Variants in EMC1 observed in about 807,000 individuals in gnomAD.
EMC1 encodes the protein ER membrane protein complex subunit 1.
A neutral mutation model predicts 128.8 loss-of-function variants in EMC1; 103 were observed. The observed-to-expected ratio is 0.80, with a 90% CI of 0.68 to 0.94. EMC1 has a LOEUF of 0.94. Ranked by LOEUF, EMC1 falls within the 40% of genes least tolerant of loss-of-function variation. EMC1 has a pLI of 0.00. For synonymous variants in EMC1, 442 were observed against 490.4 expected (o/e 0.90, Z 1.30); for missense variants, 1,083 against 1,250.6 (o/e 0.87, Z 2.02).
intron 21 of EMC1, chr1:19,219,958 T>G (rs1324465008): frequency 2.2e-6 from 1 of 448,906 alleles, no homozygotes; most frequent in Non-Finnish European, 4.0e-6. Context: ...TACAGATGAC[T>G]GGCACTTCAC....
chr1:19,231,575 A>T (rs1010769905), intron 15 of EMC1, among the ~76,000 whole-genome samples, 153 bp from the exon 16 acceptor site: 2 of 152,204 alleles, frequency 1.3e-5, no homozygotes, highest in African/African-American at 4.8e-5. Flanking sequence ...GTAGGTGAAT[A>T]GTCCCCTAGG....
chr1:19,226,776 G>A (rs1384023477), intron 18 of EMC1, among the ~76,000 whole-genome samples: 1 of 150,060 alleles, frequency 6.7e-6, no homozygotes, highest in Admixed American at 6.6e-5. Context: ...TTTCAGCCAT[G>A]TTGCCCAAGC....
intron 18 of EMC1, 56 bp from the exon 19 acceptor site, chr1:19,223,625 T>A: frequency 6.4e-7 from 1 of 1,554,730 alleles, no homozygotes; most frequent in East Asian, 2.3e-5. Flanking sequence ...ACACACTCCA[T>A]TCCTGTGCTG....
intron 17 of EMC1, among the ~76,000 whole-genome samples, chr1:19,228,309 A>G (rs1010226194): frequency 6.6e-6 from 1 of 152,154 alleles, no homozygotes; most frequent in Non-Finnish European, 1.5e-5. Flanking sequence ...AAAATTTACC[A>G]TTTATTACTA....
intron 10 of EMC1, among the ~76,000 whole-genome samples, chr1:19,238,577 G>A (rs2093583725): frequency 6.6e-6 from 1 of 152,218 alleles, no homozygotes. Context: ...CTGAGGCCCA[G>A]AGGAGAAAGT....
In EMC1 at chr1:19,237,105, G is replaced by T. The variant is rs895216743; in HGVS notation, c.1309+37C>A. 2.1e-6 allele frequency: 3 copies of T among 1,458,804 alleles called. No individual in the cohort carries two copies. The African/African-American group carries it at 4.2e-5, about 20-fold the overall frequency. 90.4% of individuals were successfully genotyped at this position (1,458,804 alleles called of 1,614,324 possible). Reference sequence around the variant, plus strand: ...TGATTGGAACACATTGGAAGGCCTGGGGAAATAAAAAAATGGGTTGAATGA... The same window carrying T: ...TGATTGGAACACATTGGAAGGCCTGTGGAAATAAAAAAATGGGTTGAATGA... On this transcript the variant is annotated intron_variant, in intron 12 of 22. Transcript: ENST00000477853.
Position 19,241,055 on chromosome 1 carries a change from A to T in EMC1, c.597T>A (p.Ile199=). 6.2e-7 allele frequency: 1 copy of T among 1,614,146 alleles called. No individual in the cohort carries two copies. The highest frequency in any genetic ancestry group is 8.5e-7 in the Non-Finnish European group (1 of 1,180,030). The part of the protein sequence containing the change: ...LGVVPFSHVN[I]VKFNVEDGEI... The stretch of plus-strand genomic sequence containing the variant: ...CTCCATCTTCCACATTAAACTTGAC[A>T]ATGTTCACATGGCTGAAGGGAACAA... Residue 199 remains isoleucine, a synonymous_variant, in exon 6 of 23, where the codon ATT becomes ATA. Coordinates refer to ENST00000477853, the MANE Select transcript of EMC1 (RefSeq NM_015047.3).
intron 17 of EMC1, among the ~76,000 whole-genome samples, 172 bp downstream of exon 17, chr1:19,230,672 T>G (rs542956993): frequency 1.3e-5 from 2 of 152,340 alleles, no homozygotes; most frequent in East Asian, 3.9e-4. Context: ...GTATCTGCCA[T>G]GTAGTAGCTG....
chr1:19,219,485 G>A lies in EMC1; in HGVS notation c.2803-3C>T, dbSNP rs756767859. 9.3e-6 allele frequency: 15 copies of A among 1,613,796 alleles called. No individual in the cohort carries two copies. Among genetic ancestry groups the A allele is most frequent in the Middle Eastern group, 1.6e-4 (1 of 6,082 alleles). ...ATGTCCAAACCATAGGCCACAACCT[G>A]GAAGGCAGATGGAATAAGAATTAGG... On this transcript the variant is annotated splice_polypyrimidine_tract_variant and splice_region_variant and intron_variant, in intron 22 of 22. Transcript: ENST00000477853.
chr1:19,233,042 G>C lies in EMC1; in HGVS notation c.1526C>G (p.Ala509Gly). Reference sequence around the variant, plus strand: ...CTTAATCTGACTCCGGGGCTTCCGAGCATCATAAAACATTTTCCAGAGGTG... The same window carrying C: ...CTTAATCTGACTCCGGGGCTTCCGACCATCATAAAACATTTTCCAGAGGTG... The part of the protein sequence containing the change: ...TSHLWKMFYD[A>G]RKPRSQIKNE... Residue 509 changes from alanine (A) to glycine (G), a missense_variant, in exon 14 of 23, where the codon GCT becomes GGT. Physicochemically the swap from Ala to Gly is moderately conservative, Grantham distance 60. Coordinates refer to ENST00000477853, the MANE Select transcript of EMC1 (RefSeq NM_015047.3). 6.2e-7 allele frequency: 1 copy of C among 1,614,144 alleles called. No individual in the cohort carries two copies. The highest frequency in any genetic ancestry group is 8.5e-7 in the Non-Finnish European group (1 of 1,180,022).
chr1:19,230,701 A>G (rs2093514486), intron 17 of EMC1, 143 bp downstream of exon 17: 1 of 1,148,610 alleles, frequency 8.7e-7, no homozygotes, highest in East Asian at 2.4e-5. Context: ...ATATGAACAA[A>G]TGATTGACTT....
At chr1:19,251,305 G>A (rs1196515735) in intron 1 of EMC1, 110 bp downstream of exon 1, 3 of 1,007,948 alleles carry the variant, frequency 3.0e-6, no homozygotes, top group Admixed American at 2.1e-5. Flanking sequence ...TTTGTACTGG[G>A]TCCTGCAAAT....
intron 9 of EMC1, 42 bp from the exon 10 acceptor site, chr1:19,238,899 T>C (rs771993586): frequency 6.0e-6 from 8 of 1,341,572 alleles, no homozygotes; most frequent in Non-Finnish European, 8.6e-6. Context: ...AGCCAAAGGG[T>C]CACTTCCCAG....
At position 19,240,210 on chromosome 1, in the gene EMC1, A is replaced by G. The variant is rs537657550; in HGVS notation, c.786+87T>C. On this transcript the variant is annotated intron_variant, in intron 7 of 22. Coordinates refer to ENST00000477853, the MANE Select transcript of EMC1 (RefSeq NM_015047.3). ...TTCCACTGCTCAGGAAGAGTCTAGGAGAAAGACCCTCCAGGGGAATCATGC... is the reference window on the plus strand; with the variant it reads ...TTCCACTGCTCAGGAAGAGTCTAGGGGAAAGACCCTCCAGGGGAATCATGC... 31 of 1,536,872 alleles carry G rather than the reference A, an allele frequency of 2.0e-5. No individual in the cohort carries two copies. The African/African-American group carries it at 4.2e-4, about 21-fold the overall frequency.
intron 13 of EMC1, among the ~76,000 whole-genome samples, chr1:19,234,556 C>T (rs980663168): frequency 6.6e-6 from 1 of 152,176 alleles, no homozygotes; most frequent in African/African-American, 2.4e-5. Flanking sequence ...CAAGTTAAGA[C>T]TTTATTCCCC....
chr1:19,237,271 T>TGAG (rs1210037792), intron 11 of EMC1, 33 bp from the exon 12 acceptor site: 15 of 1,533,258 alleles, frequency 9.8e-6, no homozygotes, highest in Non-Finnish European at 1.3e-5. Context: ...GTGTAGTCAG[T>TGAG]GAGGATCCAA....
intron 17 of EMC1, among the ~76,000 whole-genome samples, chr1:19,230,545 G>A (rs184611695): frequency 1.0e-3 from 157 of 152,184 alleles, no homozygotes; most frequent in Admixed American, 2.6e-3. Context: ...ACTCCAGCCC[G>A]GGCGACAGTG....
At chr1:19,245,617 C>T (rs1479460168) in intron 1 of EMC1, among the ~76,000 whole-genome samples, 3 of 120,364 alleles carry the variant, frequency 2.5e-5, no homozygotes, top group African/African-American at 1.2e-4. Flanking sequence ...CAAAAGGGCA[C>T]CTTACCTTTC....
At chr1:19,246,911 C>G (rs1160138182) in intron 1 of EMC1, among the ~76,000 whole-genome samples, 1 of 152,122 alleles carries the variant, frequency 6.6e-6, no homozygotes, top group Non-Finnish European at 1.5e-5. Flanking sequence ...GACGGCAAGG[C>G]CTTTAAAAAT....
Sources: allele counts gnomAD v4.1 joint callset (sites outside exome capture counted in the v4.1 genomes callset), GRCh38; gene constraint gnomAD v4.1.1; transcripts MANE v1.5; gene names NCBI Gene and HGNC (gene_info 2026-07-23, HGNC 2026-07-21).